The following USP10 variants were observed in gnomAD, a reference collection of about 807,000 sequenced individuals.
USP10 encodes the protein ubiquitin specific peptidase 10, also known as ubiquitin carboxyl-terminal hydrolase 10.
Under a neutral mutation model 84.5 loss-of-function variants are expected in USP10, and 22 were observed. The observed-to-expected ratio is 0.26, with a 90% CI of 0.19 to 0.37. USP10 has a LOEUF of 0.37. Ranked by LOEUF, USP10 falls within the 10% of genes least tolerant of loss-of-function variation. The pLI, the probability that USP10 is intolerant of heterozygous loss-of-function variation, is 1.00. For synonymous variants in USP10, 454 were observed against 387.6 expected (o/e 1.17, Z -2.01); for missense variants, 1,019 against 998.9 (o/e 1.02, Z -0.27).
chr16:84,764,931 GAAA>G (rs543483741), intron 10 of USP10, among the ~76,000 whole-genome samples: 1 of 39,256 alleles, frequency 2.5e-5, no homozygotes, highest in Non-Finnish European at 5.2e-5. Flanking sequence ...GAGAGAGAGA[GAAA>G]AAAAAATATA....
At chr16:84,764,682 T>C (rs1913621046) in intron 10 of USP10, among the ~76,000 whole-genome samples, 2 of 151,864 alleles carry the variant, frequency 1.3e-5, no homozygotes, top group African/African-American at 2.4e-5. Flanking sequence ...AATACAAAAA[T>C]CAACCAGGTG....
intron 1 of USP10, among the ~76,000 whole-genome samples, chr16:84,727,720 T>C (rs1482726360): frequency 6.6e-6 from 1 of 152,208 alleles, no homozygotes; most frequent in Non-Finnish European, 1.5e-5. Context: ...ACATACAATA[T>C]TTTTCCAAAC....
At chr16:84,767,095 C>T (rs1254402758) in intron 10 of USP10, among the ~76,000 whole-genome samples, 5 of 152,118 alleles carry the variant, frequency 3.3e-5, no homozygotes, top group South Asian at 2.1e-4. Context: ...AGTCTTCAAA[C>T]TGTAAAGGAG....
At chr16:84,732,327 C>T (rs1909334872) in intron 1 of USP10, 1 of 338,986 alleles carries the variant, frequency 2.9e-6, no homozygotes, top group Admixed American at 4.2e-5. Context: ...CATTTTTATA[C>T]CCAGTACTGA....
chr16:84,752,365 C>G (rs1210836622), intron 4 of USP10, among the ~76,000 whole-genome samples: 1 of 152,126 alleles, frequency 6.6e-6, no homozygotes. Context: ...CTATTATATG[C>G]CCTTAAAGAA....
At chr16:84,751,172 G>C (rs925202908) in intron 4 of USP10, among the ~76,000 whole-genome samples, 1 of 152,214 alleles carries the variant, frequency 6.6e-6, no homozygotes, top group Non-Finnish European at 1.5e-5. Flanking sequence ...ACAACATGCT[G>C]TACGGGTTTG....
intron 10 of USP10, among the ~76,000 whole-genome samples, chr16:84,767,184 T>A (rs941690212): frequency 2.0e-5 from 3 of 152,040 alleles, no homozygotes; most frequent in Non-Finnish European, 4.4e-5. Context: ...AAAGCCTGAG[T>A]ACCTGTCCAC....
intron 1 of USP10, among the ~76,000 whole-genome samples, chr16:84,700,394 C>T (rs947118565): frequency 2.0e-5 from 3 of 152,018 alleles, no homozygotes; most frequent in African/African-American, 7.2e-5. Flanking sequence ...GGGTTAACCT[C>T]CCTGGGGCTG....
At chr16:84,751,784 G>A (rs544298596) in intron 4 of USP10, among the ~76,000 whole-genome samples, 75 of 152,320 alleles carry the variant, frequency 4.9e-4, no homozygotes, top group African/African-American at 1.7e-3. Flanking sequence ...TTACGGGCCA[G>A]TTATTGAGCC....
At chr16:84,709,814 A>T (rs1167335397) in intron 1 of USP10, among the ~76,000 whole-genome samples, 1 of 152,216 alleles carries the variant, frequency 6.6e-6, no homozygotes, top group Non-Finnish European at 1.5e-5. Context: ...GACTGTGCAG[A>T]GGAACTGTCT....
intron 1 of USP10, among the ~76,000 whole-genome samples, chr16:84,728,958 C>G (rs1359759620): frequency 7.0e-6 from 1 of 142,518 alleles, no homozygotes; most frequent in African/African-American, 2.4e-5. Context: ...ACCACCATGC[C>G]TGGCTAATTT....
chr16:84,734,131 A>G (rs1321685307), intron 2 of USP10, among the ~76,000 whole-genome samples: 1 of 152,194 alleles, frequency 6.6e-6, no homozygotes, highest in Non-Finnish European at 1.5e-5. Context: ...TCCGGGACAC[A>G]GACCTGGGAA....
intron 6 of USP10, 122 bp from the exon 7 acceptor site, chr16:84,759,769 C>G (rs559356030): frequency 9.8e-7 from 1 of 1,015,896 alleles, no homozygotes; most frequent in Non-Finnish European, 1.5e-6. Flanking sequence ...GCTGTTACAG[C>G]ATTGGTTACC....
chr16:84,715,040 T>C (rs998283753), intron 1 of USP10, among the ~76,000 whole-genome samples: 1 of 151,978 alleles, frequency 6.6e-6, no homozygotes, highest in Admixed American at 6.6e-5. Flanking sequence ...GCGATTCTCC[T>C]GCCTCAGCCT....
chr16:84,725,612 C>G (rs1322539577), intron 1 of USP10, among the ~76,000 whole-genome samples: 1 of 152,070 alleles, frequency 6.6e-6, no homozygotes, highest in African/African-American at 2.4e-5. Context: ...ACCATGTTGG[C>G]AGTCTGTTCT....
intron 13 of USP10, among the ~76,000 whole-genome samples, chr16:84,777,183 CAG>C (rs1046724385): frequency 9.2e-5 from 14 of 152,292 alleles, no homozygotes; most frequent in East Asian, 1.9e-4. Flanking sequence ...GCGCTCCTGT[CAG>C]GGGGGCTTGC....
At chr16:84,706,392 A>G (rs1905508803) in intron 1 of USP10, among the ~76,000 whole-genome samples, 1 of 151,888 alleles carries the variant, frequency 6.6e-6, no homozygotes, top group Admixed American at 6.6e-5. Context: ...AATTGAGAGA[A>G]AAGTACAAAG....
intron 10 of USP10, 143 bp from the exon 11 acceptor site, chr16:84,768,050 A>C: frequency 1.2e-6 from 1 of 807,686 alleles, no homozygotes; most frequent in Non-Finnish European, 1.9e-6. Flanking sequence ...TTTTAAATTC[A>C]GTATATTTTT....
chr16:84,723,978 C>T (rs1451866987), intron 1 of USP10, among the ~76,000 whole-genome samples: 1 of 152,112 alleles, frequency 6.6e-6, no homozygotes, highest in African/African-American at 2.4e-5. Flanking sequence ...TTCTTAAGGT[C>T]AGCACCAAGG....
Sources: allele counts gnomAD v4.1 joint callset (sites outside exome capture counted in the v4.1 genomes callset), GRCh38; gene constraint gnomAD v4.1.1; transcripts MANE v1.5; gene names NCBI Gene and HGNC (gene_info 2026-07-23, HGNC 2026-07-21).